Variants in CYFIP1 observed in about 807,000 individuals in gnomAD.
CYFIP1 encodes cytoplasmic FMR1-interacting protein 1.
A neutral mutation model predicts 163.5 loss-of-function variants in CYFIP1; 58 were observed. The ratio of observed to expected loss-of-function variants is 0.35; its 90% CI spans 0.29 to 0.44. CYFIP1 has a LOEUF of 0.44. Among genes scored for constraint, CYFIP1 ranks in the 20% least tolerant of loss-of-function variants. The pLI is 1.00. For synonymous variants in CYFIP1, 663 were observed against 660.7 expected (o/e 1.00, Z -0.05); for missense variants, 1,338 against 1,653.8 (o/e 0.81, Z 3.31).
At chr15:22,870,220 A>C (rs777192340) in intron 30 of CYFIP1, 28 bp from the exon 31 acceptor site, 1 of 1,578,016 alleles carries the variant, frequency 6.3e-7, no homozygotes. Flanking sequence ...AGGATGTTTT[A>C]CTATTAACAC....
At chr15:22,909,697 G>A (rs1275420433) in intron 20 of CYFIP1, among the ~76,000 whole-genome samples, 8 of 152,126 alleles carry the variant, frequency 5.3e-5, no homozygotes, top group African/African-American at 1.9e-4. Context: ...TTTTGTGTGT[G>A]TAATGTAACA....
intron 11 of CYFIP1, among the ~76,000 whole-genome samples, chr15:22,931,690 A>AAAAAAAAAAAAAAC: frequency 6.9e-6 from 1 of 144,430 alleles, no homozygotes; most frequent in Non-Finnish European, 1.5e-5. Flanking sequence ...TTTTCTGAAA[A>AAAAAAAAAAAAAAC]AAAAAAAAAA....
intron 23 of CYFIP1, among the ~76,000 whole-genome samples, chr15:22,887,380 C>A (rs4778464): frequency 0.86 from 130,948 of 152,110 alleles, 56,591 homozygotes; most frequent in East Asian, 0.94. Flanking sequence ...TCGCCCACAC[C>A]CCCTCCTCCC....
chr15:22,963,042 G>A (rs1454695738), intron 1 of CYFIP1, among the ~76,000 whole-genome samples: 1 of 152,188 alleles, frequency 6.6e-6, no homozygotes, highest in African/African-American at 2.4e-5. Flanking sequence ...AACAGGGCCA[G>A]TAGTGGACAA....
chr15:22,935,412 G>A (rs1435547138), intron 9 of CYFIP1, among the ~76,000 whole-genome samples: 5 of 152,186 alleles, frequency 3.3e-5, no homozygotes, highest in African/African-American at 7.2e-5. Flanking sequence ...CCTACCACGC[G>A]CAGAAGTCAG....
chr15:22,885,647 T>C (rs1259432266), intron 23 of CYFIP1, among the ~76,000 whole-genome samples: 1 of 152,012 alleles, frequency 6.6e-6, no homozygotes, highest in Non-Finnish European at 1.5e-5. Context: ...GCAGGAGAAT[T>C]ATTTGAACCT....
intron 23 of CYFIP1, among the ~76,000 whole-genome samples, chr15:22,887,965 C>T (rs2059972876): frequency 6.6e-6 from 1 of 152,128 alleles, no homozygotes; most frequent in Non-Finnish European, 1.5e-5. Context: ...CTTGGGTGCT[C>T]TAACTTTCAC....
At chr15:22,954,838 CATCA>C (rs2062389290) in intron 1 of CYFIP1, among the ~76,000 whole-genome samples, 4 of 152,272 alleles carry the variant, frequency 2.6e-5, no homozygotes, top group African/African-American at 9.6e-5. Context: ...CAAAGGAGGA[CATCA>C]TCATACTTGG....
At position 22,868,402 on chromosome 15, in the gene CYFIP1, T is replaced by TTGTC. The variant is rs773328622; in HGVS notation, c.*1622_*1625dup. 10 of 152,204 alleles carry TTGTC rather than the reference T, an allele frequency of 6.6e-5. No homozygotes were observed. Among genetic ancestry groups the TTGTC allele is most frequent in the Non-Finnish European group, 1.2e-4 (8 of 68,036 alleles). 9.4% of individuals were successfully genotyped at this position (152,204 alleles called of 1,614,324 possible). On this transcript the variant is annotated 3_prime_UTR_variant, in exon 31 of 31. Coordinates refer to ENST00000617928, the MANE Select transcript of CYFIP1 (RefSeq NM_014608.6). ...ATTTAACATTTTGTAGCACTTGAGATTGTCTTATACCTAAGGTATTACATA... is the reference window on the plus strand; with the variant it reads ...ATTTAACATTTTGTAGCACTTGAGATTGTCTGTCTTATACCTAAGGTATTACATA...
rs1199666674 is a variant in CYFIP1, at chr15:22,869,229, TTCA to T, written c.*796_*798del. The T allele has an allele frequency of 1.3e-5, 2 of 152,268 alleles. No individual in the cohort carries two copies. The highest frequency in any genetic ancestry group is 4.8e-5 in the African/African-American group (2 of 41,434). The allele number at this position is 152,268 out of a possible 1,614,324, so 9.4% of individuals were successfully genotyped here. A position where few individuals can be genotyped will look rare whatever the true frequency, so the allele number is the denominator to read the frequency against. ...TAACAGAGAGGCACTGAGTAGCCTC[TTCA>T]TATCCAGATTGGAGCAGCCAACACG... On this transcript the variant is annotated 3_prime_UTR_variant, in exon 31 of 31. Transcript: ENST00000617928.
In CYFIP1 at chr15:22,879,199, GAAAC is replaced by G. The variant is rs151096103; in HGVS notation, c.3042+710_3042+713del. Among the ~76,000 whole-genome samples the G allele has an allele frequency of 2.6e-3, 392 of 152,142 alleles. 2 individuals are homozygous for G. The highest frequency in any genetic ancestry group is 9.0e-3 in the African/African-American group (375 of 41,492). ...CTCAATGGGGCATTTCACAGGAAAAGAAACAAGAAGACGCAACGAACGAAGAGAT... is the reference window on the plus strand; with the variant it reads ...CTCAATGGGGCATTTCACAGGAAAAGAAGAAGACGCAACGAACGAAGAGAT... On this transcript the variant is annotated intron_variant, in intron 26 of 30. Transcript: ENST00000617928.
chr15:22,903,977 T>A, intron 21 of CYFIP1, 72 bp from the exon 22 acceptor site: 1 of 1,413,230 alleles, frequency 7.1e-7, no homozygotes, highest in East Asian at 2.4e-5. Context: ...TGGCCTCTGA[T>A]CCCACCCAGG....
chr15:22,927,813 G>A (rs2061404934), intron 12 of CYFIP1, 93 bp downstream of exon 12: 3 of 1,311,744 alleles, frequency 2.3e-6, no homozygotes, highest in Non-Finnish European at 3.1e-6. Context: ...TCTTTCTAGG[G>A]CCAAAGATAA....
chr15:22,908,092 T>G (rs1051308581), intron 21 of CYFIP1, among the ~76,000 whole-genome samples: 1 of 152,202 alleles, frequency 6.6e-6, no homozygotes, highest in Non-Finnish European at 1.5e-5. Context: ...GTCTTGCCTC[T>G]TCCTGTGTTC....
At chr15:22,926,410 T>C (rs1430820924) in intron 12 of CYFIP1, among the ~76,000 whole-genome samples, 1 of 152,174 alleles carries the variant, frequency 6.6e-6, no homozygotes, top group Non-Finnish European at 1.5e-5. Context: ...CAGTGGCTCA[T>C]GCCTATGACC....
Position 22,941,082 on chromosome 15 carries a change from G to A in CYFIP1, c.570-1575C>T, listed in dbSNP as rs569302623. On this transcript the variant is annotated intron_variant, in intron 6 of 30. Coordinates refer to ENST00000617928, the MANE Select transcript of CYFIP1 (RefSeq NM_014608.6). ...TCCTTTTTTTTTAAATAGACACAGG[G>A]TCTCACTCTGTCACCCAGGCTGGAA... 2.0e-5 allele frequency among the ~76,000 whole-genome samples: 3 copies of A among 152,172 alleles called. No individual in the cohort carries two copies. In the South Asian group the frequency reaches 6.2e-4, roughly 32 times the overall value.
Position 22,900,788 on chromosome 15 carries a change from G to T in CYFIP1, c.2588+2918C>A, listed in dbSNP as rs555217183. On this transcript the variant is annotated intron_variant, in intron 22 of 30. Transcript: ENST00000617928. ...GCAGGCAGCTCCCACTGCCCAAACC[G>T]CACCCACCCCAGCCTCAAAACTCCA... is the stretch of plus-strand genomic sequence containing the variant. 2.6e-5 allele frequency among the ~76,000 whole-genome samples: 4 copies of T among 152,014 alleles called. No homozygotes were observed. The South Asian group carries it at 8.3e-4, about 32-fold the overall frequency.
chr15:22,921,291 C>T (rs1465791267), intron 13 of CYFIP1, among the ~76,000 whole-genome samples: 1 of 151,998 alleles, frequency 6.6e-6, no homozygotes, highest in African/African-American at 2.4e-5. Flanking sequence ...CTGCTTGAAA[C>T]TGGGAGGTGG....
At chr15:22,952,295 T>G (rs2062278162) in intron 1 of CYFIP1, among the ~76,000 whole-genome samples, 1 of 152,050 alleles carries the variant, frequency 6.6e-6, no homozygotes. Flanking sequence ...ACGCTCTAGC[T>G]GGACAGTGGT....
Sources: allele counts gnomAD v4.1 joint callset (sites outside exome capture counted in the v4.1 genomes callset), GRCh38; gene constraint gnomAD v4.1.1; transcripts MANE v1.5; gene names NCBI Gene and HGNC (gene_info 2026-07-23, HGNC 2026-07-21).